The following SH3PXD2A variants were observed in gnomAD, a reference collection of about 807,000 sequenced individuals.
SH3PXD2A encodes the protein SH3 and PX domains 2A.
A neutral mutation model predicts 115.2 loss-of-function variants in SH3PXD2A; 32 were observed. The observed-to-expected ratio is 0.28, with a 90% CI of 0.21 to 0.37. SH3PXD2A has a LOEUF of 0.37. Ranked by LOEUF, SH3PXD2A falls within the 10% of genes least tolerant of loss-of-function variation. SH3PXD2A has a pLI of 1.00. For missense variants in SH3PXD2A, 1,328 were observed against 1,498.7 expected, an observed-to-expected ratio of 0.89 and a Z score of 1.88; for synonymous variants, 610 against 629.1, an observed-to-expected ratio of 0.97 and a Z score of 0.45.
intron 11 of SH3PXD2A, among the ~76,000 whole-genome samples, chr10:103,615,178 A>G (rs2036491127): frequency 1.3e-5 from 2 of 152,354 alleles, no homozygotes; most frequent in Admixed American, 6.5e-5. Flanking sequence ...CTTGCATCTC[A>G]GAGAAAAGAC....
chr10:103,685,337 CAAAAAA>C (rs775424414), intron 6 of SH3PXD2A, among the ~76,000 whole-genome samples: 2 of 56,390 alleles, frequency 3.5e-5, no homozygotes, highest in Non-Finnish European at 6.6e-5. Flanking sequence ...AACTCTGTCT[CAAAAAA>C]AAAAAAAAAA....
intron 2 of SH3PXD2A, among the ~76,000 whole-genome samples, chr10:103,776,355 T>C (rs1402983020): frequency 2.7e-5 from 4 of 145,662 alleles, no homozygotes; most frequent in Non-Finnish European, 5.9e-5. Flanking sequence ...ATCATGCCAC[T>C]GCACTCCAGC....
rs761922825 is a variant in SH3PXD2A at position 103,601,779 on chromosome 10, A to C, written c.*37T>G. 4.5e-6 allele frequency: 6 copies of C among 1,345,472 alleles called. No homozygotes were observed. Among genetic ancestry groups the C allele is most frequent in the Non-Finnish European group, 5.9e-6 (6 of 1,023,740 alleles). 83.3% of individuals were successfully genotyped at this position (1,345,472 alleles called of 1,614,324 possible). ...CACCGCTCATCCAGTGGGCGGCCAG[A>C]GAGGCACACTGAGGCTGGAAGAGCC... On this transcript the variant is annotated 3_prime_UTR_variant, in exon 15 of 15. Coordinates refer to ENST00000369774, the MANE Select transcript of SH3PXD2A (RefSeq NM_001394015.1).
chr10:103,614,626 G>C (rs2036480723), intron 11 of SH3PXD2A, among the ~76,000 whole-genome samples: 1 of 152,056 alleles, frequency 6.6e-6, no homozygotes, highest in Non-Finnish European at 1.5e-5. Context: ...CAAACCCATG[G>C]GGACTTCACT....
intron 1 of SH3PXD2A, among the ~76,000 whole-genome samples, chr10:103,847,991 G>T (rs551102879): frequency 4.1e-5 from 6 of 147,124 alleles, no homozygotes; most frequent in African/African-American, 1.6e-4. Context: ...GAAGTAGAAG[G>T]CAACATTAGT....
intron 1 of SH3PXD2A, among the ~76,000 whole-genome samples, 198 bp from the exon 2 acceptor site, chr10:103,801,560 CACACACAT>C (rs1452581604): frequency 4.6e-5 from 7 of 151,862 alleles, no homozygotes; most frequent in Admixed American, 2.6e-4. Context: ...CACACACACA[CACACACAT>C]ACCCCTAGAG....
intron 3 of SH3PXD2A, among the ~76,000 whole-genome samples, chr10:103,750,343 G>A (rs948889145): frequency 3.3e-5 from 5 of 152,292 alleles, no homozygotes; most frequent in East Asian, 1.9e-4. Context: ...ATGAGCCACC[G>A]TGCCTGGCCT....
rs138628341 is a variant in SH3PXD2A at position 103,771,096 on chromosome 10, G to A, written c.154-3927C>T. On this transcript the variant is annotated intron_variant, in intron 2 of 14. Coordinates refer to ENST00000369774, the MANE Select transcript of SH3PXD2A (RefSeq NM_001394015.1). ...AGGAGAGAGGTGGGCCCAGCAACAC[G>A]CGCCCAGGTATGGAACGCTTTGTCC... 7.9e-5 allele frequency among the ~76,000 whole-genome samples: 12 copies of A among 152,284 alleles called. No homozygotes were observed. In the East Asian group the frequency reaches 1.4e-3, roughly 17 times the overall value.
At chr10:103,776,014 G>T (rs966926496) in intron 2 of SH3PXD2A, among the ~76,000 whole-genome samples, 32 of 152,186 alleles carry the variant, frequency 2.1e-4, no homozygotes, top group African/African-American at 6.5e-4. Flanking sequence ...CTCTAGGGGA[G>T]CATCTGTTTC....
intron 8 of SH3PXD2A, 49 bp downstream of exon 8, chr10:103,660,933 CG>C: frequency 1.9e-6 from 3 of 1,605,040 alleles, no homozygotes; most frequent in Non-Finnish European, 1.7e-6. Flanking sequence ...CAGCTCGGCC[CG>C]GGGGCCAGAC....
chr10:103,845,621 C>T (rs1842840355), intron 1 of SH3PXD2A, among the ~76,000 whole-genome samples: 1 of 152,204 alleles, frequency 6.6e-6, no homozygotes, highest in South Asian at 2.1e-4. Flanking sequence ...CGGGGCTGCT[C>T]TGTCTATGGA....
In SH3PXD2A at chr10:103,603,615, C is replaced by T. The variant is rs1300843206; in HGVS notation, c.1603G>A (p.Glu535Lys). 2.1e-5 allele frequency: 33 copies of T among 1,604,180 alleles called. No homozygotes were observed. The highest frequency in any genetic ancestry group is 6.7e-5 in the East Asian group (3 of 44,846). ...TCACTGGCCCCCGTAGGGCCCTCCT[C>T]GGCCTCCTTGGGCTTGCTGGGGGGT... is the stretch of plus-strand genomic sequence containing the variant. ...PAPPSKPKEAEEGPTGASESQ... is the reference protein window; with the variant it reads ...PAPPSKPKEAKEGPTGASESQ... Residue 535 changes from glutamate to lysine, a missense_variant, in exon 15 of 15, where the codon GAG (glutamate) becomes AAG (lysine). Transcript: ENST00000369774.
chr10:103,640,949 G>A (rs936353579), intron 8 of SH3PXD2A, among the ~76,000 whole-genome samples: 7 of 152,190 alleles, frequency 4.6e-5, no homozygotes, highest in South Asian at 4.2e-4. Context: ...TCCACAGCTC[G>A]AGGGCTGGCA....
In SH3PXD2A at chr10:103,595,664, C is replaced by T. The variant is rs1468537523; in HGVS notation, c.*6152G>A. ...CCTTCAGTGCAGGGGACCCCATTCT[C>T]TAAGGCCACTGAGTTCTAGGACTGG... On this transcript the variant is annotated 3_prime_UTR_variant, in exon 15 of 15. Coordinates refer to ENST00000369774, the MANE Select transcript of SH3PXD2A (RefSeq NM_001394015.1). 6.6e-6 allele frequency: 1 copy of T among 152,612 alleles called. No individual in the cohort carries two copies. The highest frequency in any genetic ancestry group is 1.9e-4 in the East Asian group (1 of 5,188). The allele number at this position is 152,612 out of a possible 1,614,324, so 9.5% of individuals were successfully genotyped here. A position where few individuals can be genotyped will look rare whatever the true frequency, so the allele number is the denominator to read the frequency against.
intron 8 of SH3PXD2A, among the ~76,000 whole-genome samples, chr10:103,632,608 A>G (rs2036797008): frequency 6.7e-6 from 1 of 149,746 alleles, no homozygotes; most frequent in Non-Finnish European, 1.5e-5. Flanking sequence ...GAGCCTGTCT[A>G]TCTTTGCTCA....
At chr10:103,718,760 G>GACACACACACAA (rs2038139158) in intron 5 of SH3PXD2A, among the ~76,000 whole-genome samples, 1 of 128,338 alleles carries the variant, frequency 7.8e-6, no homozygotes, top group Non-Finnish European at 1.6e-5. Flanking sequence ...CCCCAATCAG[G>GACACACACACAA]ACACACACAC....
chr10:103,785,874 A>G (rs2038975929), intron 2 of SH3PXD2A, among the ~76,000 whole-genome samples: 1 of 151,746 alleles, frequency 6.6e-6, no homozygotes, highest in South Asian at 2.1e-4. Context: ...TGGCAAAGAC[A>G]GAATCAGGGC....
At chr10:103,836,082 AAACACAGTCTCTTTT>A (rs1341109769) in intron 1 of SH3PXD2A, among the ~76,000 whole-genome samples, 1 of 152,182 alleles carries the variant, frequency 6.6e-6, no homozygotes, top group Non-Finnish European at 1.5e-5. Context: ...TAAAGGGGAG[AAACACAGTCTCTTTT>A]GAGAGCATGA....
chr10:103,793,330 G>GT (rs549523083), intron 2 of SH3PXD2A, among the ~76,000 whole-genome samples: 49 of 151,180 alleles, frequency 3.2e-4, no homozygotes, highest in South Asian at 2.1e-3. Context: ...TTGTTCTTGG[G>GT]TTTTTTTTTA....
Sources: allele counts gnomAD v4.1 joint callset (sites outside exome capture counted in the v4.1 genomes callset), GRCh38; gene constraint gnomAD v4.1.1; transcripts MANE v1.5; gene names NCBI Gene and HGNC (gene_info 2026-07-23, HGNC 2026-07-21).